VRK3: variants seen among roughly 807,000 people sequenced by gnomAD.
The protein encoded by VRK3 is serine/threonine-protein kinase VRK3.
A neutral mutation model predicts 60.4 loss-of-function variants in VRK3; 50 were observed. The ratio of observed to expected loss-of-function variants is 0.83; its 90% CI spans 0.66 to 1.05. VRK3 has a LOEUF of 1.05. Among genes scored for constraint, VRK3 ranks in the 50% least tolerant of loss-of-function variants. The probability of loss-of-function intolerance (pLI) is 0.00; values close to 1 mark genes in which losing one functional copy is unlikely to be tolerated. For missense variants in VRK3, 549 were observed against 585.3 expected (o/e 0.94, Z 0.64); for synonymous variants, 246 against 227.8 (o/e 1.08, Z -0.72).
chr19:49,999,000 G>A (rs550755809), intron 6 of VRK3: 2 of 145,230 alleles, frequency 1.4e-5, no homozygotes, highest in Non-Finnish European at 1.5e-5. Context: ...GTGCATGCCT[G>A]TGGTCCCAGC....
At chr19:49,999,984 G>A (rs184852308) in intron 6 of VRK3, 5 of 152,322 alleles carry the variant, frequency 3.3e-5, no homozygotes, top group African/African-American at 4.8e-5. Flanking sequence ...GCAATGCCAG[G>A]CTCTCAAAGC....
intron 3 of VRK3, among the ~76,000 whole-genome samples, chr19:50,012,456 G>A (rs1480381308): frequency 2.0e-5 from 3 of 152,160 alleles, no homozygotes; most frequent in Non-Finnish European, 4.4e-5. Flanking sequence ...AGAAACCAGG[G>A]CTGTCTCATT....
rs888671448 is a variant in VRK3 at position 49,976,625 on chromosome 19, C to G, written c.*171G>C. The G allele has an allele frequency of 6.6e-6, 1 of 152,594 alleles. No individual in the cohort carries two copies. The highest frequency in any genetic ancestry group is 2.1e-4 in the South Asian group (1 of 4,822). 9.5% of individuals were successfully genotyped at this position (152,594 alleles called of 1,614,324 possible). A position where few individuals can be genotyped will look rare whatever the true frequency, so the allele number is the denominator to read the frequency against. On this transcript the variant is annotated 3_prime_UTR_variant, in exon 15 of 15. Transcript: ENST00000316763. ...CACATTCACGGGAGGGAAACTGGGG[C>G]CCTCCGGGAGGCTAATCAGGACTGA...
intron 11 of VRK3, 114 bp downstream of exon 11, chr19:49,989,525 G>GC: frequency 7.3e-7 from 1 of 1,378,138 alleles, no homozygotes; most frequent in South Asian, 1.6e-5. Context: ...CTGTCCTGGC[G>GC]CCCTTAGTGC....
intron 9 of VRK3, among the ~76,000 whole-genome samples, chr19:49,993,435 G>A (rs1321671971): frequency 6.6e-6 from 1 of 152,144 alleles, no homozygotes; most frequent in Non-Finnish European, 1.5e-5. Context: ...TCTTACTCCT[G>A]TTGCCCAGGC....
rs1671190136 is a variant in VRK3, at chr19:49,989,876, A to G, written c.964-105T>C. 3 of 1,329,978 alleles carry G rather than the reference A, an allele frequency of 2.3e-6. No individual in the cohort carries two copies. In the African/African-American group the frequency reaches 4.4e-5, roughly 20 times the overall value. The allele number at this position is 1,329,978 out of a possible 1,614,324, so 82.4% of individuals were successfully genotyped here. Reference sequence around the variant, plus strand: ...CAACAAACATTCTACCAAAGATGGCATTTTTCACTTACAAAACTAAGGCAT... The same window carrying G: ...CAACAAACATTCTACCAAAGATGGCGTTTTTCACTTACAAAACTAAGGCAT... On this transcript the variant is annotated intron_variant, in intron 10 of 14. Coordinates refer to ENST00000316763, the MANE Select transcript of VRK3 (RefSeq NM_016440.4).
intron 2 of VRK3, among the ~76,000 whole-genome samples, chr19:50,017,514 T>C (rs10418484): frequency 0.057 from 7,413 of 130,394 alleles, 624 homozygotes; most frequent in African/African-American, 0.2. Flanking sequence ...GCAGAGGTTG[T>C]GGTGAGCCGA....
intron 12 of VRK3, chr19:49,986,766 C>T (rs1476756759): frequency 1.3e-5 from 2 of 152,232 alleles, no homozygotes; most frequent in East Asian, 3.8e-4. Context: ...TATGCCTTCC[C>T]AGATAATCTC....
chr19:49,997,429 G>A, intron 7 of VRK3, 75 bp downstream of exon 7: 1 of 1,530,492 alleles, frequency 6.5e-7, no homozygotes, highest in Non-Finnish European at 9.0e-7. Context: ...CATGCCTGCA[G>A]GTAGAAGTCA....
intron 12 of VRK3, among the ~76,000 whole-genome samples, chr19:49,985,641 C>T (rs1298550434): frequency 1.3e-5 from 2 of 152,184 alleles, no homozygotes; most frequent in East Asian, 1.9e-4. Flanking sequence ...CTCTGACACA[C>T]CATGTGTTTC....
chr19:49,981,100 C>CTAAGATATATA lies in VRK3; in HGVS notation c.1218-98_1218-88dup, dbSNP rs1304447487. On this transcript the variant is annotated intron_variant, in intron 12 of 14. Coordinates refer to ENST00000316763, the MANE Select transcript of VRK3 (RefSeq NM_016440.4). The stretch of plus-strand genomic sequence containing the variant: ...AGAATGCCTAAGATATATACACAGC[C>CTAAGATATATA]TAAGATATATACACAGTCCCCTCTG... The CTAAGATATATA allele has an allele frequency of 9.7e-6, 12 of 1,235,612 alleles. No homozygotes were observed. The Admixed American group carries it at 2.2e-4, about 22-fold the overall frequency. The allele number at this position is 1,235,612 out of a possible 1,614,324, so 76.5% of individuals were successfully genotyped here. A position where few individuals can be genotyped will look rare whatever the true frequency, so the allele number is the denominator to read the frequency against.
chr19:49,987,207 T>C (rs2076530848), intron 12 of VRK3, among the ~76,000 whole-genome samples: 1 of 152,180 alleles, frequency 6.6e-6, no homozygotes, highest in Non-Finnish European at 1.5e-5. Context: ...AGTGCATGCC[T>C]AGCACGCCCG....
At chr19:49,995,050 G>T in intron 8 of VRK3, 131 bp from the exon 9 acceptor site, 1 of 1,262,240 alleles carries the variant, frequency 7.9e-7, no homozygotes. Flanking sequence ...TGACTGGCTG[G>T]GCAGCAAACT....
intron 3 of VRK3, among the ~76,000 whole-genome samples, chr19:50,011,800 T>C (rs1188082551): frequency 1.4e-5 from 2 of 147,448 alleles, no homozygotes. Flanking sequence ...TGTTCCTCAC[T>C]CCTCCAGTGT....
intron 5 of VRK3, among the ~76,000 whole-genome samples, chr19:50,005,527 C>T (rs1011410218): frequency 2.0e-5 from 3 of 149,662 alleles, no homozygotes; most frequent in Admixed American, 6.6e-5. Context: ...CCTAAGGCTG[C>T]GGTGAGAATT....
chr19:49,995,665 G>A (rs761150517), intron 7 of VRK3, among the ~76,000 whole-genome samples: 13 of 152,204 alleles, frequency 8.5e-5, no homozygotes, highest in Admixed American at 2.0e-4. Context: ...TCAGTGGGGT[G>A]GACCAGAACC....
Position 49,995,274 on chromosome 19 carries a change from G to A in VRK3, c.681C>T (p.Val227=), listed in dbSNP as rs769910339. 1 of 1,614,128 alleles carries A rather than the reference G, an allele frequency of 6.2e-7. No homozygotes were observed. The highest frequency in any genetic ancestry group is 1.3e-5 in the African/African-American group (1 of 75,056). ...FFQRAAKPLQ[V]NKWKKLYSTP... ...TCGAGTACAGCTTCTTCCACTTGTT[G>A]ACTGCGGAAAGCAGGGGCTTGAGGT... is the stretch of plus-strand genomic sequence containing the variant. The change falls in exon 8 of 15, where the codon GTC becomes GTT. Residue 227 remains valine (V), a splice_region_variant and synonymous_variant. Coordinates refer to ENST00000316763, the MANE Select transcript of VRK3 (RefSeq NM_016440.4).
rs759566845 is a variant in VRK3, at chr19:49,995,171, C to T, written c.764+20G>A. The T allele has an allele frequency of 6.2e-7, 1 of 1,610,466 alleles. No homozygotes were observed. The highest frequency in any genetic ancestry group is 1.1e-5 in the South Asian group (1 of 90,928). On this transcript the variant is annotated intron_variant, in intron 8 of 14. Transcript: ENST00000316763. ...AGAGGAAAGAGGCCGGTGAGGCAAG[C>T]AGTGAGCAGAGCAGCTCACCTGTAT... is the stretch of plus-strand genomic sequence containing the variant.
intron 7 of VRK3, chr19:49,997,186 C>T (rs966512186): frequency 5.0e-6 from 1 of 201,184 alleles, no homozygotes. Flanking sequence ...GGTTTTGCCA[C>T]ATTGCCCAGG....
Sources: allele counts gnomAD v4.1 joint callset (sites outside exome capture counted in the v4.1 genomes callset), GRCh38; gene constraint gnomAD v4.1.1; transcripts MANE v1.5; gene names NCBI Gene and HGNC (gene_info 2026-07-23, HGNC 2026-07-21).